The following SYMPK variants were observed in gnomAD, a reference collection of about 807,000 sequenced individuals.
The protein encoded by SYMPK is symplekin scaffold protein, also known as symplekin.
SYMPK carries 49 observed loss-of-function variants against 136.4 expected under a neutral mutation model. The ratio of observed to expected loss-of-function variants is 0.36; its 90% confidence interval spans 0.29 to 0.46. The LOEUF (loss-of-function observed/expected upper bound fraction) is 0.46, where lower values mean the gene tolerates loss of function less well. SYMPK is among the 20% of genes least tolerant of loss of function. SYMPK has a pLI of 1.00. For missense variants in SYMPK, 1,365 were observed against 1,690.0 expected (o/e 0.81, Z 3.37); for synonymous variants, 766 against 713.0 (o/e 1.07, Z -1.19).
rs762280455 is a variant in SYMPK at position 45,821,188 on chromosome 19, A to AGGAG, written c.2893+192_2893+195dup. ...GGGTAAAACCTGGGAGGAAGGAAGG[A>AGGAG]GGAGGGAGGGAGGGAGGGAGGGAAG... is the stretch of plus-strand genomic sequence containing the variant. On this transcript the variant is annotated intron_variant, in intron 22 of 26. Coordinates refer to ENST00000245934, the MANE Select transcript of SYMPK (RefSeq NM_004819.3). The surrounding 1 kb of genome is among the most constrained non-coding windows in gnomAD (Gnocchi z 4.4). 87 of 379,500 alleles carry AGGAG rather than the reference A, an allele frequency of 2.3e-4. No homozygotes were observed. The East Asian group carries it at 2.5e-3, about 11-fold the overall frequency. The allele number at this position is 379,500 out of a possible 1,614,324, so 23.5% of individuals were successfully genotyped here. A position where few individuals can be genotyped will look rare whatever the true frequency, so the allele number is the denominator to read the frequency against.
intron 9 of SYMPK, among the ~76,000 whole-genome samples, chr19:45,839,960 T>A (rs552673685): frequency 3.9e-4 from 59 of 152,304 alleles, no homozygotes; most frequent in Admixed American, 7.9e-4. Flanking sequence ...AAATGGCACT[T>A]GACACTAGAG....
At chr19:45,828,724 A>G in intron 14 of SYMPK, 1 of 559,296 alleles carries the variant, frequency 1.8e-6, no homozygotes, top group Non-Finnish European at 3.2e-6. Context: ...AAAGCCACGC[A>G]GAGCAAGCTC....
chr19:45,822,241 C>T (rs2146303336), intron 21 of SYMPK, among the ~76,000 whole-genome samples: 1 of 151,842 alleles, frequency 6.6e-6, no homozygotes, highest in East Asian at 1.9e-4. Flanking sequence ...GCCTCAGCCT[C>T]CCGAGTAGCT....
intron 10 of SYMPK, among the ~76,000 whole-genome samples, chr19:45,837,162 C>G (rs1380643161): frequency 6.6e-6 from 1 of 152,116 alleles, no homozygotes; most frequent in Non-Finnish European, 1.5e-5. Context: ...TGACTGAAAA[C>G]AAGCAAATAT....
intron 23 of SYMPK, 22 bp from the exon 24 acceptor site, chr19:45,816,996 C>A (rs1490896054): frequency 2.6e-6 from 4 of 1,551,156 alleles, no homozygotes; most frequent in Non-Finnish European, 3.5e-6. Flanking sequence ...AGGGAGGGAG[C>A]CGTCGGGAGA....
In SYMPK at chr19:45,838,614, C is replaced by T. The variant is rs760785266; in HGVS notation, c.1089G>A (p.Glu363=). The part of the protein sequence containing the change: ...SDSTLKKMKL[E]PNLGEDDEDK... Reference sequence around the variant, plus strand: ...CCTCATCGTCCTCCCCCAGGTTGGGCTCTGGGATGAGGGAAAAGAACAAGA... The same window carrying T: ...CCTCATCGTCCTCCCCCAGGTTGGGTTCTGGGATGAGGGAAAAGAACAAGA... The change falls in exon 10 of 27, where the codon GAG becomes GAA. Residue 363 remains glutamate, a splice_region_variant and synonymous_variant. Coordinates refer to ENST00000245934, the MANE Select transcript of SYMPK (RefSeq NM_004819.3). The T allele has an allele frequency of 6.2e-7, 1 of 1,613,000 alleles. No homozygotes were observed. The highest frequency in any genetic ancestry group is 1.7e-5 in the Admixed American group (1 of 59,998).
chr19:45,837,574 G>A (rs60259426), intron 10 of SYMPK, among the ~76,000 whole-genome samples: 7,362 of 134,026 alleles, frequency 0.055, 443 homozygotes, highest in East Asian at 0.36. Context: ...CTGAGATCGC[G>A]CCACTGCACT....
chr19:45,817,970 T>A lies in SYMPK; in HGVS notation c.3070A>T (p.Ile1024Phe). 6.4e-7 allele frequency: 1 copy of A among 1,572,748 alleles called. No individual in the cohort carries two copies. Among genetic ancestry groups the A allele is most frequent in the Non-Finnish European group, 8.6e-7 (1 of 1,157,546 alleles). The change falls in exon 23 of 27, where the codon ATC becomes TTC. Residue 1024 changes from isoleucine (I) to phenylalanine (F), a missense_variant. By Grantham distance (21) the Ile-to-Phe change is conservative. Coordinates refer to ENST00000245934, the MANE Select transcript of SYMPK (RefSeq NM_004819.3). ...GFVMNILSRL[I>F]MKQVWKYPKV... is the part of the protein sequence containing the mutation. ...CGGGGATGGGTTACCTGCTTCATGA[T>A]GAGGCGGGACAGGATGTTCATGACG...
At chr19:45,828,129 C>T in intron 14 of SYMPK, 3 of 539,590 alleles carry the variant, frequency 5.6e-6, no homozygotes, top group Non-Finnish European at 6.7e-6. Flanking sequence ...CTCTGAAACT[C>T]ATTTCTTCCG....
chr19:45,820,475 C>G, intron 22 of SYMPK: 1 of 152,264 alleles, frequency 6.6e-6, no homozygotes, highest in East Asian at 1.9e-4. Context: ...AAAGCTGTTT[C>G]AAGCTAGAAC....
intron 5 of SYMPK, among the ~76,000 whole-genome samples, chr19:45,850,713 G>C (rs1247475668): frequency 6.6e-6 from 1 of 152,136 alleles, no homozygotes; most frequent in East Asian, 1.9e-4. Context: ...GCCCCTACTA[G>C]GTGACAACAC....
At chr19:45,856,990 T>C (rs1971837002) in intron 1 of SYMPK, among the ~76,000 whole-genome samples, 1 of 150,470 alleles carries the variant, frequency 6.6e-6, no homozygotes. Flanking sequence ...TGGTGGCGCA[T>C]ACCTATAATC....
At chr19:45,861,675 T>G (rs1173298584) in intron 1 of SYMPK, among the ~76,000 whole-genome samples, 1 of 150,784 alleles carries the variant, frequency 6.6e-6, no homozygotes, top group Non-Finnish European at 1.5e-5. Context: ...AGGCAGAGGT[T>G]GCAGTGAGCC....
intron 2 of SYMPK, 64 bp from the exon 3 acceptor site, chr19:45,854,304 G>A (rs1312406680): frequency 1.9e-6 from 3 of 1,606,618 alleles, no homozygotes; most frequent in East Asian, 4.5e-5. Context: ...AGCCCCCTCG[G>A]CACTCCCAGG....
At chr19:45,825,606 C>T (rs1183720288) in intron 17 of SYMPK, among the ~76,000 whole-genome samples, 3 of 152,212 alleles carry the variant, frequency 2.0e-5, no homozygotes, top group Admixed American at 1.3e-4. Context: ...GCCATGCCTG[C>T]CCTGTGGCCT....
intron 7 of SYMPK, among the ~76,000 whole-genome samples, chr19:45,845,115 C>T (rs534179831): frequency 2.3e-4 from 34 of 147,160 alleles, no homozygotes; most frequent in East Asian, 1.2e-3. Context: ...AATACTGGAT[C>T]TTTTTTTTTT....
intron 12 of SYMPK, chr19:45,831,078 A>G: frequency 4.2e-6 from 1 of 236,914 alleles, no homozygotes; most frequent in Non-Finnish European, 8.0e-6. Flanking sequence ...CTAGTTACCT[A>G]ACCATCACCA....
At chr19:45,840,809 C>T (rs1199613243) in intron 9 of SYMPK, among the ~76,000 whole-genome samples, 2 of 151,704 alleles carry the variant, frequency 1.3e-5, no homozygotes, top group Non-Finnish European at 2.9e-5. Flanking sequence ...CACCACTGCA[C>T]TCCAATCTGG....
Position 45,844,046 on chromosome 19 carries a change from G to C in SYMPK, c.831C>G (p.Ala277=), listed in dbSNP as rs200895369. 6.3e-7 allele frequency: 1 copy of C among 1,587,410 alleles called. No individual in the cohort carries two copies. The highest frequency in any genetic ancestry group is 2.3e-5 in the East Asian group (1 of 43,048). Residue 277 remains alanine (A), a synonymous_variant, in exon 8 of 27, where the codon GCC becomes GCG. Coordinates refer to ENST00000245934, the MANE Select transcript of SYMPK (RefSeq NM_004819.3). ...ATGACCTACCATGCAGAGTTTCATA[G>C]GCCTGGATCACCTCAGACATGAACA... is the stretch of plus-strand genomic sequence containing the variant. ...RPMFMSEVIQ[A]YETLHANLPP... is the part of the protein sequence containing the mutation.
Sources: allele counts gnomAD v4.1 joint callset (sites outside exome capture counted in the v4.1 genomes callset), GRCh38; gene constraint gnomAD v4.1.1; non-coding constraint Gnocchi (gnomAD v3.1); transcripts MANE v1.5; gene names NCBI Gene and HGNC (gene_info 2026-07-23, HGNC 2026-07-21).